The following TECPR2 variants were observed in gnomAD, a reference collection of about 807,000 sequenced individuals.
The protein encoded by TECPR2 is tectonin beta-propeller repeat-containing protein 2.
A neutral mutation model predicts 138.1 loss-of-function variants in TECPR2; 65 were observed. The observed-to-expected ratio is 0.47, with a 90% CI of 0.39 to 0.58. TECPR2 has a LOEUF of 0.58. Ranked by LOEUF, TECPR2 falls within the 20% of genes least tolerant of loss-of-function variation. The pLI, the probability that TECPR2 is intolerant of heterozygous loss-of-function variation, is 0.00. For missense variants in TECPR2, 1,553 were observed against 1,824.5 expected (o/e 0.85, Z 2.71); for synonymous variants, 746 against 749.8 (o/e 0.99, Z 0.08).
intron 17 of TECPR2, among the ~76,000 whole-genome samples, chr14:102,469,598 A>G (rs774500588): frequency 3.0e-4 from 46 of 152,288 alleles, no homozygotes; most frequent in Non-Finnish European, 3.5e-4. Context: ...AACTTCTAGT[A>G]AAATGTTGAG....
At chr14:102,421,150 G>GT (rs1186002880) in intron 5 of TECPR2, among the ~76,000 whole-genome samples, 1 of 152,226 alleles carries the variant, frequency 6.6e-6, no homozygotes, top group Non-Finnish European at 1.5e-5. Flanking sequence ...TTTTTCAGAG[G>GT]TCCTACAAAT....
chr14:102,445,910 C>G lies in TECPR2; in HGVS notation c.3038C>G (p.Ser1013Cys). Residue 1013 changes from serine to cysteine, a missense_variant, in exon 13 of 20, where the codon TCC becomes TGC. Ser to Cys is a moderately radical substitution (Grantham distance 112). Coordinates refer to ENST00000359520, the MANE Select transcript of TECPR2 (RefSeq NM_014844.5). ...GNLWFRTGII[S>C]KKPQGDDDHW... ...CTGTGGTTCAGAACTGGCATTATTT[C>G]CAAGAAGCCCCAAGGAGATGACGAC... 6.2e-7 allele frequency: 1 copy of G among 1,613,976 alleles called. No homozygotes were observed. Among genetic ancestry groups the G allele is most frequent in the African/African-American group, 1.3e-5 (1 of 74,964 alleles).
Position 102,425,679 on chromosome 14 carries a change from G to A in TECPR2, c.951+388G>A, listed in dbSNP as rs931009311. Among the ~76,000 whole-genome samples, 8 of 151,656 alleles carry A rather than the reference G, an allele frequency of 5.3e-5. No individual in the cohort carries two copies. In the East Asian group the frequency reaches 1.5e-3, roughly 29 times the overall value. On this transcript the variant is annotated intron_variant, in intron 6 of 19. Coordinates refer to ENST00000359520, the MANE Select transcript of TECPR2 (RefSeq NM_014844.5). ...CAACCTCCACCTCCCAGGTTCAAGC[G>A]ATTCTCCTGCCTCAGCCTCCTGAGT...
At chr14:102,455,409 C>T (rs1320343895) in intron 16 of TECPR2, among the ~76,000 whole-genome samples, 1 of 152,184 alleles carries the variant, frequency 6.6e-6, no homozygotes, top group Admixed American at 6.5e-5. Flanking sequence ...GGGCTCTGGA[C>T]TCTGGGCAAG....
In TECPR2 at chr14:102,440,617, C is replaced by T. The variant is rs774960200; in HGVS notation, c.2752+8C>T. On this transcript the variant is annotated splice_region_variant and intron_variant, in intron 11 of 19. Coordinates refer to ENST00000359520, the MANE Select transcript of TECPR2 (RefSeq NM_014844.5). ...ACCTATACTTGCAGACAGGTAACCG[C>T]GGGCCACGCTTAGAGGCCTGCCAGC... 85 of 1,611,424 alleles carry T rather than the reference C, an allele frequency of 5.3e-5. No homozygotes were observed. The highest frequency in any genetic ancestry group is 6.9e-5 in the Non-Finnish European group (81 of 1,178,528).
At chr14:102,474,228 A>G (rs971468436) in intron 17 of TECPR2, among the ~76,000 whole-genome samples, 4 of 152,210 alleles carry the variant, frequency 2.6e-5, no homozygotes, top group African/African-American at 9.6e-5. Flanking sequence ...TGTTTGTACC[A>G]CTGCACTCCA....
intron 17 of TECPR2, among the ~76,000 whole-genome samples, chr14:102,481,994 T>C (rs1393244753): frequency 6.6e-6 from 1 of 152,170 alleles, no homozygotes; most frequent in Non-Finnish European, 1.5e-5. Context: ...GTTCCTTGTC[T>C]GTGTGACTCT....
Position 102,434,489 on chromosome 14 carries a change from G to A in TECPR2, c.1672G>A (p.Asp558Asn), listed in dbSNP as rs546457548. Residue 558 changes from aspartate to asparagine, a missense_variant, in exon 9 of 20, where the codon GAT (aspartate) becomes AAT (asparagine). Asp to Asn is a conservative substitution (Grantham distance 23). Coordinates refer to ENST00000359520, the MANE Select transcript of TECPR2 (RefSeq NM_014844.5). ...CCTGGAGGTGTCAGGATCAATGCCT[G>A]ATTCTCTGGCTGAGGAAGATGACAT... ...NVLEVSGSMP[D>N]SLAEEDDIRT... 6.4e-7 allele frequency: 1 copy of A among 1,561,916 alleles called. No homozygotes were observed. The highest frequency in any genetic ancestry group is 8.7e-7 in the Non-Finnish European group (1 of 1,154,304).
At position 102,419,071 on chromosome 14, in the gene TECPR2, T is replaced by C. The variant is rs1371655603; in HGVS notation, c.638+4278T>C. The stretch of plus-strand genomic sequence containing the variant: ...CGGGGAGCTGTGCGCTGGCAGCCAC[T>C]GGCATGCAGACAGGAGCTCGCCTAG... On this transcript the variant is annotated intron_variant, in intron 5 of 19. Transcript: ENST00000359520. The surrounding 1 kb of genome is among the most constrained non-coding windows in gnomAD (Gnocchi z 4.8). Among the ~76,000 whole-genome samples the C allele has an allele frequency of 6.6e-6, 1 of 152,010 alleles. No homozygotes were observed. Among genetic ancestry groups the C allele is most frequent in the Non-Finnish European group, 1.5e-5 (1 of 67,992 alleles).
intron 2 of TECPR2, among the ~76,000 whole-genome samples, chr14:102,379,678 A>G (rs1226223561): frequency 1.4e-4 from 18 of 126,090 alleles, no homozygotes; most frequent in Middle Eastern, 6.4e-3. Context: ...GCACAGAGGC[A>G]TCTTAGTCAC....
chr14:102,495,761 G>A (rs1891263332), intron 17 of TECPR2, among the ~76,000 whole-genome samples: 1 of 152,256 alleles, frequency 6.6e-6, no homozygotes, highest in South Asian at 2.1e-4. Flanking sequence ...GACTGGCCCT[G>A]GGGCTGAGGT....
intron 2 of TECPR2, among the ~76,000 whole-genome samples, chr14:102,387,462 C>T (rs1597775918): frequency 1.3e-5 from 2 of 151,796 alleles, no homozygotes; most frequent in East Asian, 1.9e-4. Flanking sequence ...TGAAGTTAAA[C>T]ATATGATCCC....
chr14:102,453,197 C>T (rs771624647), intron 16 of TECPR2, among the ~76,000 whole-genome samples: 45 of 152,162 alleles, frequency 3.0e-4, no homozygotes, highest in Middle Eastern at 3.4e-3. Flanking sequence ...ATTTGTAGGC[C>T]GGGCGCAGTG....
intron 2 of TECPR2, among the ~76,000 whole-genome samples, chr14:102,391,113 C>T (rs1313990059): frequency 6.6e-6 from 1 of 152,160 alleles, no homozygotes; most frequent in Non-Finnish European, 1.5e-5. Context: ...GGCTGGAGTG[C>T]AGTGGCATGA....
At chr14:102,409,915 A>G (rs1426820380) in intron 4 of TECPR2, among the ~76,000 whole-genome samples, 1 of 151,706 alleles carries the variant, frequency 6.6e-6, no homozygotes, top group Non-Finnish European at 1.5e-5. Flanking sequence ...AGGGATTCTC[A>G]TGCCTCAGCC....
chr14:102,427,478 A>G lies in TECPR2; in HGVS notation c.952-772A>G, dbSNP rs535453120. Among the ~76,000 whole-genome samples the G allele has an allele frequency of 2.0e-5, 3 of 152,350 alleles. No individual in the cohort carries two copies. The South Asian group carries it at 6.2e-4, about 32-fold the overall frequency. ...AATGTTATGTTTGCAGCAGTCCATC[A>G]GTTATTTAAAATTAGCCAAAAACAT... On this transcript the variant is annotated intron_variant, in intron 6 of 19. Transcript: ENST00000359520.
chr14:102,401,381 G>A (rs1411663147), intron 2 of TECPR2, among the ~76,000 whole-genome samples: 2 of 149,350 alleles, frequency 1.3e-5, no homozygotes, highest in Non-Finnish European at 3.0e-5. Context: ...AGAGGTTGTA[G>A]TGAGCTGAGA....
At chr14:102,485,534 G>C (rs1891005473) in intron 17 of TECPR2, among the ~76,000 whole-genome samples, 1 of 152,088 alleles carries the variant, frequency 6.6e-6, no homozygotes, top group South Asian at 2.1e-4. Flanking sequence ...ATGATACCTA[G>C]AAGTAGACCA....
chr14:102,498,786 C>T lies in TECPR2; in HGVS notation c.*529C>T. The T allele has an allele frequency of 1.9e-6, 1 of 523,080 alleles. No homozygotes were observed. The highest frequency in any genetic ancestry group is 3.7e-6 in the Non-Finnish European group (1 of 270,660). 32.4% of individuals were successfully genotyped at this position (523,080 alleles called of 1,614,324 possible). ...CAGAGCACATTCCATGCCAGACGCT[C>T]TGGCCAGGAAGCTGAGGCCGGGCTT... On this transcript the variant is annotated 3_prime_UTR_variant, in exon 20 of 20. Transcript: ENST00000359520.
Sources: gnomAD v4.1 joint callset for allele counts (sites outside exome capture counted in the v4.1 genomes callset) on GRCh38, gnomAD v4.1.1 for gene constraint, Gnocchi (gnomAD v3.1) non-coding constraint, MANE v1.5 for transcripts, NCBI Gene and HGNC (gene_info 2026-07-23, HGNC 2026-07-21) for gene names.